Variants in XPO1 observed in about 807,000 individuals in gnomAD.
XPO1 encodes the protein exportin-1.
XPO1 carries 5 observed loss-of-function variants against 133.3 expected under a neutral mutation model. The observed-to-expected ratio is 0.04, with a 90% confidence interval of 0.02 to 0.08. XPO1 has a LOEUF of 0.08. Ranked by LOEUF, XPO1 falls within the 10% of genes least tolerant of loss-of-function variation. The pLI is 1.00. For missense variants in XPO1, 506 were observed against 1,267.5 expected (o/e 0.40, Z 9.12); for synonymous variants, 419 against 408.2 (o/e 1.03, Z -0.32).
intron 4 of XPO1, among the ~76,000 whole-genome samples, chr2:61,520,134 G>A (rs1231889984): frequency 6.6e-6 from 1 of 152,142 alleles, no homozygotes; most frequent in Non-Finnish European, 1.5e-5. Context: ...ATATGCTATG[G>A]TAGTTGGACA....
At chr2:61,526,559 G>A in intron 2 of XPO1, 38 bp from the exon 3 acceptor site, 1 of 1,469,354 alleles carries the variant, frequency 6.8e-7, no homozygotes, top group Non-Finnish European at 9.1e-7. Flanking sequence ...TTAAGCTAAT[G>A]TATTCTTTTG....
At chr2:61,496,146 G>A (rs1356595443) in intron 10 of XPO1, among the ~76,000 whole-genome samples, 3 of 152,072 alleles carry the variant, frequency 2.0e-5, no homozygotes, top group African/African-American at 4.8e-5. Flanking sequence ...ATTTCTCACT[G>A]ACATTGAAAA....
intron 22 of XPO1, 115 bp downstream of exon 22, chr2:61,482,842 C>A: frequency 7.9e-7 from 1 of 1,272,884 alleles, no homozygotes; most frequent in Non-Finnish European, 1.1e-6. Flanking sequence ...CCAGGCTGTT[C>A]TCGAACTCCT....
At chr2:61,533,743 T>G in intron 2 of XPO1, 29 bp downstream of exon 2, 1 of 1,547,992 alleles carries the variant, frequency 6.5e-7, no homozygotes, top group South Asian at 1.3e-5. Context: ...ACTGTCATAA[T>G]GTTATAAAGT....
chr2:61,482,369 G>C lies in XPO1; in HGVS notation c.2972+11C>G. 1 of 1,591,568 alleles carries C rather than the reference G, an allele frequency of 6.3e-7. No individual in the cohort carries two copies. The highest frequency in any genetic ancestry group is 8.5e-7 in the Non-Finnish European group (1 of 1,169,752). ...CAGGAACATTCTACGTTTATTAAAA[G>C]GTATATTTACTCTTGTAGGTGAGGG... On this transcript the variant is annotated intron_variant, in intron 23 of 24. Transcript: ENST00000401558.
chr2:61,509,006 G>C, intron 4 of XPO1, among the ~76,000 whole-genome samples: 1 of 152,022 alleles, frequency 6.6e-6, no homozygotes, highest in East Asian at 1.9e-4. Context: ...CTGCAAGATT[G>C]ACTGACTGAT....
intron 4 of XPO1, among the ~76,000 whole-genome samples, chr2:61,511,840 C>A (rs1456272765): frequency 6.6e-6 from 1 of 152,114 alleles, no homozygotes; most frequent in Non-Finnish European, 1.5e-5. Flanking sequence ...CTCACTGCAG[C>A]CTCCACCTCC....
chr2:61,525,538 C>A (rs1382064372), intron 3 of XPO1: 50 of 1,012,166 alleles, frequency 4.9e-5, no homozygotes, highest in Admixed American at 5.9e-5. Context: ...TTTCACAAGA[C>A]AAATTTGAGT....
At chr2:61,518,396 AAAAC>A (rs1441285163) in intron 4 of XPO1, among the ~76,000 whole-genome samples, 3 of 107,052 alleles carry the variant, frequency 2.8e-5, no homozygotes, top group Non-Finnish European at 5.9e-5. Context: ...ACTAAAAAAA[AAAAC>A]AAAAAACAAA....
chr2:61,490,327 T>C (rs542684425), intron 17 of XPO1, among the ~76,000 whole-genome samples: 1 of 152,154 alleles, frequency 6.6e-6, no homozygotes, highest in South Asian at 2.1e-4. Flanking sequence ...GCCTCCTCAG[T>C]AGCTGGGATT....
chr2:61,535,726 GAGACTTC>G (rs1464151440), intron 1 of XPO1, among the ~76,000 whole-genome samples: 1 of 152,132 alleles, frequency 6.6e-6, no homozygotes, highest in African/African-American at 2.4e-5. Context: ...CAAAACTGAT[GAGACTTC>G]AAAACGTTTC....
At chr2:61,495,024 A>T (rs1404142256) in intron 11 of XPO1, among the ~76,000 whole-genome samples, 2 of 151,758 alleles carry the variant, frequency 1.3e-5, no homozygotes, top group African/African-American at 4.8e-5. Context: ...TTGTATTTTT[A>T]ATAGAGACAG....
chr2:61,510,580 G>C (rs1698040783), intron 4 of XPO1, among the ~76,000 whole-genome samples: 1 of 152,002 alleles, frequency 6.6e-6, no homozygotes, highest in African/African-American at 2.4e-5. Flanking sequence ...AAACACACTG[G>C]ACAAAAAATC....
chr2:61,499,913 T>C lies in XPO1; in HGVS notation c.409-19A>G. The C allele has an allele frequency of 6.3e-7, 1 of 1,595,938 alleles. No homozygotes were observed. Among genetic ancestry groups the C allele is most frequent in the Non-Finnish European group, 8.5e-7 (1 of 1,175,612 alleles). The stretch of plus-strand genomic sequence containing the variant: ...TCAGTATCTAAAACAAGACATGAAA[T>C]GTTAATCGCACTTCATTTCTCAAAG... On this transcript the variant is annotated intron_variant, in intron 6 of 24. Coordinates refer to ENST00000401558, the MANE Select transcript of XPO1 (RefSeq NM_003400.4).
chr2:61,526,429 C>T lies in XPO1; in HGVS notation c.219G>A (p.Met73Ile). 1 of 1,608,674 alleles carries T rather than the reference C, an allele frequency of 6.2e-7. No individual in the cohort carries two copies. The highest frequency in any genetic ancestry group is 8.5e-7 in the Non-Finnish European group (1 of 1,178,692). The change falls in exon 3 of 25, where the codon ATG (methionine) becomes ATA (isoleucine). Residue 73 changes from methionine to isoleucine, a missense_variant. Transcript: ENST00000401558. ...ACCACCACTTGCTTACTTTCGTATT[C>T]ATATTCTGAGAAAATTCCAAAATTG... Reference protein sequence around the residue: ...VDTILEFSQNMNTKYYGLQIL... With the variant: ...VDTILEFSQNINTKYYGLQIL...
At chr2:61,503,455 C>T (rs1247963013) in intron 4 of XPO1, among the ~76,000 whole-genome samples, 12 of 150,506 alleles carry the variant, frequency 8.0e-5, no homozygotes, top group African/African-American at 2.0e-4. Context: ...GACAGAATCT[C>T]GCTCTGTCGC....
chr2:61,515,451 G>C (rs537114977), intron 4 of XPO1, among the ~76,000 whole-genome samples: 3 of 152,178 alleles, frequency 2.0e-5, no homozygotes, highest in Non-Finnish European at 4.4e-5. Flanking sequence ...ACTTAGGAAG[G>C]TATTTCAGAA....
chr2:61,531,836 T>C (rs1312969013), intron 2 of XPO1, among the ~76,000 whole-genome samples: 1 of 152,210 alleles, frequency 6.6e-6, no homozygotes, highest in Non-Finnish European at 1.5e-5. Flanking sequence ...GTTAATTTTT[T>C]CAAGAATGCT....
intron 2 of XPO1, among the ~76,000 whole-genome samples, chr2:61,527,521 T>G (rs1698959758): frequency 2.0e-5 from 3 of 152,010 alleles, no homozygotes; most frequent in Admixed American, 2.0e-4. Context: ...CCTACTTAGG[T>G]AAGTTATGTA....
Sources: allele counts gnomAD v4.1 joint callset (sites outside exome capture counted in the v4.1 genomes callset), GRCh38; gene constraint gnomAD v4.1.1; transcripts MANE v1.5; gene names NCBI Gene and HGNC (gene_info 2026-07-23, HGNC 2026-07-21).